The following RBFOX1 variants were observed in gnomAD, a reference collection of about 807,000 sequenced individuals.
RBFOX1 encodes RNA binding fox-1 homolog 1.
Under a neutral mutation model 57.7 loss-of-function variants are expected in RBFOX1, and 8 were observed. That is an observed-to-expected ratio of 0.14 (90% CI 0.08 to 0.25). RBFOX1 has a LOEUF of 0.25. RBFOX1 is among the 10% of genes least tolerant of loss of function. The pLI is 1.00. For missense variants in RBFOX1, 611 were observed against 548.5 expected, an observed-to-expected ratio of 1.11 and a Z score of -1.14; for synonymous variants, 326 against 222.4, an observed-to-expected ratio of 1.47 and a Z score of -4.15.
intron 2 of RBFOX1, among the ~76,000 whole-genome samples, chr16:5,484,703 G>A (rs1391494004): frequency 1.3e-5 from 2 of 150,504 alleles, no homozygotes; most frequent in Non-Finnish European, 3.0e-5. Context: ...ATGAGGTCAG[G>A]AGATCGAAAC....
intron 3 of RBFOX1, among the ~76,000 whole-genome samples, chr16:5,733,060 C>G (rs780952679): frequency 2.0e-5 from 3 of 152,088 alleles, no homozygotes; most frequent in African/African-American, 7.2e-5. Context: ...GGGGGTACAT[C>G]TTACTGTATG....
intron 2 of RBFOX1, among the ~76,000 whole-genome samples, chr16:5,497,244 C>G (rs2043029234): frequency 6.6e-6 from 1 of 151,422 alleles, no homozygotes; most frequent in Non-Finnish European, 1.5e-5. Flanking sequence ...TCTTTGAAAT[C>G]CTTTGGGATA....
chr16:5,759,844 C>A (rs1310601293), intron 3 of RBFOX1, among the ~76,000 whole-genome samples: 1 of 152,060 alleles, frequency 6.6e-6, no homozygotes, highest in Non-Finnish European at 1.5e-5. Flanking sequence ...TGCAGGGAAG[C>A]CTTTGATACT....
chr16:5,919,592 C>G (rs939831663), intron 4 of RBFOX1, among the ~76,000 whole-genome samples: 12 of 152,192 alleles, frequency 7.9e-5, no homozygotes, highest in African/African-American at 2.7e-4. Flanking sequence ...GATCCGCATG[C>G]CTCGGCCTCC....
intron 1 of RBFOX1, among the ~76,000 whole-genome samples, chr16:5,344,683 AT>A (rs755483484): frequency 1.7e-4 from 26 of 152,114 alleles, no homozygotes; most frequent in Non-Finnish European, 2.8e-4. Context: ...TTCAACATGG[AT>A]TTTATCTGCA....
chr16:6,963,491 A>T (rs1004406753), intron 3 of RBFOX1, among the ~76,000 whole-genome samples: 1 of 152,244 alleles, frequency 6.6e-6, no homozygotes, highest in Middle Eastern at 3.4e-3. Flanking sequence ...AATGAGATAC[A>T]TGTTAGAGGA....
At position 7,447,097 on chromosome 16, in the gene RBFOX1, C is replaced by T. The variant is rs570805155; in HGVS notation, c.28-71050C>T. On this transcript the variant is annotated intron_variant, in intron 4 of 15. Coordinates refer to ENST00000550418, the MANE Select transcript of RBFOX1 (RefSeq NM_018723.4). ...AAAGTGCTGGGATTACAGGCGTGAG[C>T]CACTGTCCTCGGCCTCAAGGTAGGT... is the stretch of plus-strand genomic sequence containing the variant. 2.0e-5 allele frequency among the ~76,000 whole-genome samples: 3 copies of T among 152,054 alleles called. No individual in the cohort carries two copies. The South Asian group carries it at 6.2e-4, about 32-fold the overall frequency.
intron 4 of RBFOX1, among the ~76,000 whole-genome samples, chr16:7,238,775 C>T (rs139109196): frequency 1.3e-3 from 192 of 152,272 alleles, no homozygotes; most frequent in African/African-American, 4.4e-3. Context: ...TTGTTTCTCC[C>T]GATCCTGTCC....
intron 2 of RBFOX1, among the ~76,000 whole-genome samples, chr16:6,412,806 G>C (rs1283122043): frequency 1.3e-5 from 2 of 152,166 alleles, no homozygotes; most frequent in African/African-American, 4.8e-5. Context: ...GGAATTGTGA[G>C]CCCGACATGC....
rs566294607 is a variant in RBFOX1, at chr16:6,148,521, A to G, written c.-127+128529A>G. On this transcript the variant is annotated intron_variant, in intron 1 of 15. Coordinates refer to ENST00000550418, the MANE Select transcript of RBFOX1 (RefSeq NM_018723.4). ...TTCTTTGAGTCTCAGGTTGAATCTCACCACCCTCAAGGCAGGAAAACCTTA... is the reference window on the plus strand; with the variant it reads ...TTCTTTGAGTCTCAGGTTGAATCTCGCCACCCTCAAGGCAGGAAAACCTTA... Among the ~76,000 whole-genome samples, 7 of 152,160 alleles carry G rather than the reference A, an allele frequency of 4.6e-5. No homozygotes were observed. In the East Asian group the frequency reaches 1.2e-3, roughly 25 times the overall value.
At chr16:7,548,720 A>G (rs1048310448) in intron 5 of RBFOX1, among the ~76,000 whole-genome samples, 2 of 152,172 alleles carry the variant, frequency 1.3e-5, no homozygotes, top group African/African-American at 4.8e-5. Flanking sequence ...GCCTGGGAGC[A>G]AAGACAGCTT....
In RBFOX1 at chr16:6,321,789, G is replaced by T. The variant is rs79364506; in HGVS notation, c.-64+4732G>T. On this transcript the variant is annotated intron_variant, in intron 2 of 15. Coordinates refer to ENST00000550418, the MANE Select transcript of RBFOX1 (RefSeq NM_018723.4). ...TAACATCAACATTAGATGAAATACT[G>T]GTATGGGTCTTTCTGATGGCTGGTT... Among the ~76,000 whole-genome samples the T allele has an allele frequency of 7.6e-3, 1,150 of 152,214 alleles. 40 individuals carry two copies. Among genetic ancestry groups the T allele is most frequent in the East Asian group, 0.066 (343 of 5,158 alleles).
chr16:6,022,548 G>A (rs2095103188), intron 1 of RBFOX1, among the ~76,000 whole-genome samples: 1 of 152,006 alleles, frequency 6.6e-6, no homozygotes, highest in African/African-American at 2.4e-5. Flanking sequence ...TGGGTGTGGT[G>A]GTGCACACAT....
intron 1 of RBFOX1, among the ~76,000 whole-genome samples, chr16:5,425,632 C>T (rs57143939): frequency 0.064 from 9,752 of 152,174 alleles, 699 homozygotes; most frequent in African/African-American, 0.17. Context: ...TCTTTGAATA[C>T]GGGAAATAAG....
intron 3 of RBFOX1, among the ~76,000 whole-genome samples, chr16:6,890,930 TG>T (rs1478949642): frequency 1.3e-5 from 2 of 152,192 alleles, no homozygotes; most frequent in African/African-American, 2.4e-5. Context: ...AACAGACTCT[TG>T]CTTGCTTGTG....
At chr16:7,230,350 G>C (rs557157706) in intron 4 of RBFOX1, among the ~76,000 whole-genome samples, 1 of 152,208 alleles carries the variant, frequency 6.6e-6, no homozygotes, top group East Asian at 1.9e-4. Context: ...TTGGGGCAGG[G>C]TCTGTTTTCT....
chr16:6,256,281 ATGTG>A (rs796911440), intron 1 of RBFOX1, among the ~76,000 whole-genome samples: 1 of 120,106 alleles, frequency 8.3e-6, no homozygotes, highest in African/African-American at 4.2e-5. Context: ...GTATATATAT[ATGTG>A]TGTATATATA....
In RBFOX1 at chr16:6,978,030, C is replaced by T. The variant is rs950021252; in HGVS notation, c.-15-74027C>T. ...TTCTTGTGTGTTTATTTTCTGGGTC[C>T]CCCAAGCCCCGCCCTCCCTCTAACC... On this transcript the variant is annotated intron_variant, in intron 3 of 15. Transcript: ENST00000550418. Among the ~76,000 whole-genome samples the T allele has an allele frequency of 5.3e-5, 8 of 151,414 alleles. No individual in the cohort carries two copies. The East Asian group carries it at 5.8e-4, about 11-fold the overall frequency.
At chr16:6,514,419 C>T (rs1304895356) in intron 2 of RBFOX1, among the ~76,000 whole-genome samples, 3 of 152,156 alleles carry the variant, frequency 2.0e-5, no homozygotes, top group Non-Finnish European at 4.4e-5. Context: ...TGATGCTATG[C>T]TCCTTTAAGT....
Sources: gnomAD v4.1 joint callset for allele counts (sites outside exome capture counted in the v4.1 genomes callset) on GRCh38, gnomAD v4.1.1 for gene constraint, MANE v1.5 for transcripts, NCBI Gene and HGNC (gene_info 2026-07-23, HGNC 2026-07-21) for gene names.